The following SPMIP3 variants were observed in gnomAD, a reference collection of about 807,000 sequenced individuals.
SPMIP3 encodes the protein sperm microtubule inner protein 3.
the SPMIP3 span, chr1:244,375,507 G>C: frequency 6.5e-7 from 1 of 1,533,414 alleles, no homozygotes; most frequent in Non-Finnish European, 9.0e-7. Flanking sequence ...AGAATGTCAC[G>C]AAAGCTACAA....
At chr1:244,373,039 A>G in the SPMIP3 span, among the ~76,000 whole-genome samples, 1 of 152,124 alleles carries the variant, frequency 6.6e-6, no homozygotes, top group African/African-American at 2.4e-5. Flanking sequence ...ATAAAGCACT[A>G]CAATCACTTC....
the SPMIP3 span, among the ~76,000 whole-genome samples, chr1:244,382,600 G>GTTTTT: frequency 6.6e-5 from 7 of 106,052 alleles, no homozygotes; most frequent in Non-Finnish European, 1.3e-4. Flanking sequence ...TCTGGCTGCT[G>GTTTTT]TTTTTTTTTT....
chr1:244,380,532 A>G, the SPMIP3 span, among the ~76,000 whole-genome samples: 1 of 152,038 alleles, frequency 6.6e-6, no homozygotes, highest in Admixed American at 6.6e-5. Context: ...TATTTTCCCA[A>G]TTTTACTGTA....
At chr1:244,376,150 C>G in the SPMIP3 span, among the ~76,000 whole-genome samples, 531 of 152,278 alleles carry the variant, frequency 3.5e-3, 2 homozygotes, top group Non-Finnish European at 4.7e-3. Context: ...AACAGAGCAC[C>G]TTCCCATCAT....
At chr1:244,382,284 G>T in the SPMIP3 span, among the ~76,000 whole-genome samples, 12 of 152,002 alleles carry the variant, frequency 7.9e-5, no homozygotes, top group East Asian at 2.3e-3. Flanking sequence ...GATGAGGATA[G>T]CTAAAGGAAG....
At chr1:244,382,062 G>A in the SPMIP3 span, among the ~76,000 whole-genome samples, 2 of 152,222 alleles carry the variant, frequency 1.3e-5, no homozygotes, top group Non-Finnish European at 2.9e-5. Flanking sequence ...GGTCCATGCT[G>A]GAAGCTGGTG....
At chr1:244,385,777 CTAA>C in the SPMIP3 span, among the ~76,000 whole-genome samples, 1 of 152,200 alleles carries the variant, frequency 6.6e-6, no homozygotes, top group South Asian at 2.1e-4. Context: ...CTGTAAAATA[CTAA>C]TACAATGGAA....
chr1:244,379,970 A>G, the SPMIP3 span, among the ~76,000 whole-genome samples: 3 of 152,030 alleles, frequency 2.0e-5, no homozygotes, highest in African/African-American at 7.2e-5. Context: ...CTGTCAAAAA[A>G]AAAAAAATAC....
chr1:244,373,311 T>C, the SPMIP3 span, among the ~76,000 whole-genome samples: 1 of 143,218 alleles, frequency 7.0e-6, no homozygotes, highest in African/African-American at 2.6e-5. Context: ...CTGGGCAACA[T>C]AGTGAAACTA....
chr1:244,386,624 T>A, the SPMIP3 span, among the ~76,000 whole-genome samples: 1 of 152,222 alleles, frequency 6.6e-6, no homozygotes, highest in Non-Finnish European at 1.5e-5. Context: ...TAGAAGGCCA[T>A]CATTGCTATT....
At chr1:244,362,022 CTCT>C in the SPMIP3 span, among the ~76,000 whole-genome samples, 1 of 152,204 alleles carries the variant, frequency 6.6e-6, no homozygotes, top group Non-Finnish European at 1.5e-5. Context: ...CTCTCTCTCT[CTCT>C]TTTTTAAATA....
chr1:244,372,661 T>A, the SPMIP3 span, among the ~76,000 whole-genome samples: 82 of 152,254 alleles, frequency 5.4e-4, no homozygotes, highest in African/African-American at 1.9e-3. Flanking sequence ...GCCAGGATGG[T>A]CTCGAACTCC....
chr1:244,388,260 C>A, the SPMIP3 span, among the ~76,000 whole-genome samples: 83 of 152,044 alleles, frequency 5.5e-4, 1 homozygote, highest in East Asian at 0.011. Flanking sequence ...TCTATCATAC[C>A]TGCAAAAAAT....
chr1:244,388,372 C>A, the SPMIP3 span, among the ~76,000 whole-genome samples: 13 of 135,550 alleles, frequency 9.6e-5, 1 homozygote, highest in South Asian at 3.4e-3. Flanking sequence ...GCCTTTGAGT[C>A]CCCCCATCCT....
the SPMIP3 span, among the ~76,000 whole-genome samples, chr1:244,365,224 T>C: frequency 4.6e-5 from 7 of 152,202 alleles, no homozygotes; most frequent in Admixed American, 1.3e-4. Flanking sequence ...ATAGAGAAAC[T>C]GGAAATCTTA....
At chr1:244,380,418 C>G in the SPMIP3 span, among the ~76,000 whole-genome samples, 1 of 152,128 alleles carries the variant, frequency 6.6e-6, no homozygotes, top group African/African-American at 2.4e-5. Context: ...CTGCACCTGG[C>G]CAACAGACTT....
the SPMIP3 span, among the ~76,000 whole-genome samples, chr1:244,361,468 A>G: frequency 6.6e-6 from 1 of 152,192 alleles, no homozygotes; most frequent in South Asian, 2.1e-4. Context: ...ACCTCAAGTC[A>G]TCTGCCCACC....
chr1:244,353,177 C>T, the SPMIP3 span, among the ~76,000 whole-genome samples: 5 of 152,138 alleles, frequency 3.3e-5, no homozygotes, highest in Non-Finnish European at 5.9e-5. Context: ...GAGTGAAGAT[C>T]GTGGCCACCA....
At chr1:244,353,775 C>A in the SPMIP3 span, among the ~76,000 whole-genome samples, 6 of 152,290 alleles carry the variant, frequency 3.9e-5, no homozygotes, top group Non-Finnish European at 5.9e-5. Context: ...GGGAACCAAC[C>A]TTCCTGAACT....
Sources: allele counts gnomAD v4.1 joint callset (sites outside exome capture counted in the v4.1 genomes callset), GRCh38; gene constraint gnomAD v4.1.1; transcripts MANE v1.5; gene names NCBI Gene and HGNC (gene_info 2026-07-23, HGNC 2026-07-21).